NPHP1: variants seen among roughly 807,000 people sequenced by gnomAD.
NPHP1 encodes nephrocystin-1.
Under a neutral mutation model 90.4 loss-of-function variants are expected in NPHP1, and 70 were observed. The ratio of observed to expected loss-of-function variants is 0.77; its 90% CI spans 0.64 to 0.95. The LOEUF is 0.95. Ranked by LOEUF, NPHP1 falls within the 40% of genes least tolerant of loss-of-function variation. The pLI, the probability that NPHP1 is intolerant of heterozygous loss-of-function variation, is 0.00. For missense variants in NPHP1, 764 were observed against 795.9 expected (o/e 0.96, Z 0.48); for synonymous variants, 256 against 271.7 (o/e 0.94, Z 0.57).
At chr2:110,145,151 A>T (rs1482330217) in intron 14 of NPHP1, among the ~76,000 whole-genome samples, 1 of 152,202 alleles carries the variant, frequency 6.6e-6, no homozygotes, top group South Asian at 2.1e-4. Context: ...ACATGCTTCA[A>T]AACTAACACT....
chr2:110,149,977 C>T (rs1278787791), intron 12 of NPHP1, among the ~76,000 whole-genome samples: 1 of 152,062 alleles, frequency 6.6e-6, no homozygotes, highest in Non-Finnish European at 1.5e-5. Flanking sequence ...AAAAATGAAC[C>T]CTGAAACTGA....
At chr2:110,174,110 ACT>A (rs979581954) in intron 4 of NPHP1, among the ~76,000 whole-genome samples, 1 of 151,778 alleles carries the variant, frequency 6.6e-6, no homozygotes, top group Non-Finnish European at 1.5e-5. Flanking sequence ...CTTTACTTTC[ACT>A]CTCTCTATAA....
At chr2:110,204,781 G>T in intron 1 of NPHP1, 119 bp downstream of exon 1, 1 of 986,710 alleles carries the variant, frequency 1.0e-6, no homozygotes, top group Non-Finnish European at 1.6e-6. Flanking sequence ...AACCTGGGAA[G>T]GTAAGTAGGT....
chr2:110,136,873 C>T (rs896395398), intron 16 of NPHP1, among the ~76,000 whole-genome samples: 1 of 152,108 alleles, frequency 6.6e-6, no homozygotes. Context: ...CAAGTCAATC[C>T]TAAGCCAAAA....
intron 11 of NPHP1, among the ~76,000 whole-genome samples, chr2:110,159,493 A>C (rs1682147992): frequency 6.6e-6 from 1 of 151,844 alleles, no homozygotes; most frequent in Admixed American, 6.6e-5. Context: ...ATTTCTTCTT[A>C]TGCCAGTTTC....
intron 10 of NPHP1, among the ~76,000 whole-genome samples, chr2:110,160,721 C>T (rs1473423976): frequency 2.0e-5 from 3 of 152,170 alleles, no homozygotes; most frequent in African/African-American, 7.2e-5. Flanking sequence ...AGAGAGAATG[C>T]ACTATCTGAT....
chr2:110,129,844 T>TA lies in NPHP1; in HGVS notation c.1643-586_1643-585insT, dbSNP rs1679656076. On this transcript the variant is annotated intron_variant, in intron 17 of 19. Coordinates refer to ENST00000445609, the MANE Select transcript of NPHP1 (RefSeq NM_001128178.3). ...ACATTTCACAATAGATAACAGCACA[T>TA]GAAAAATCTGTGCAAAGAAGCACAT... Among the ~76,000 whole-genome samples, 4 of 152,260 alleles carry TA rather than the reference T, an allele frequency of 2.6e-5. No homozygotes were observed. The South Asian group carries it at 8.3e-4, about 32-fold the overall frequency.
chr2:110,189,311 C>T (rs1356175274), intron 2 of NPHP1, among the ~76,000 whole-genome samples: 1 of 152,048 alleles, frequency 6.6e-6, no homozygotes, highest in Non-Finnish European at 1.5e-5. Context: ...TTCCTTCTGA[C>T]GTTCGGATGT....
At chr2:110,172,030 T>C (rs1683160583) in intron 4 of NPHP1, among the ~76,000 whole-genome samples, 1 of 152,162 alleles carries the variant, frequency 6.6e-6, no homozygotes, top group Non-Finnish European at 1.5e-5. Flanking sequence ...CACCTGAGAG[T>C]TTAATCTGTG....
intron 11 of NPHP1, among the ~76,000 whole-genome samples, chr2:110,159,087 G>C (rs1248624248): frequency 1.3e-5 from 2 of 152,060 alleles, no homozygotes; most frequent in East Asian, 3.9e-4. Flanking sequence ...AATGTTAAAT[G>C]TGATTACCCA....
In NPHP1 at chr2:110,182,456, T is replaced by C. The variant is rs538386425; in HGVS notation, c.144-2772A>G. The stretch of plus-strand genomic sequence containing the variant: ...TACCTCTCAGTGGAAACCCAAACCC[T>C]ATAAGCCAGCAGAGACTGGGGACCA... On this transcript the variant is annotated intron_variant, in intron 2 of 19. Transcript: ENST00000445609. Among the ~76,000 whole-genome samples the C allele has an allele frequency of 4.6e-5, 7 of 152,018 alleles. No homozygotes were observed. In the South Asian group the frequency reaches 1.5e-3, roughly 32 times the overall value.
intron 2 of NPHP1, among the ~76,000 whole-genome samples, chr2:110,180,113 C>G (rs1683783914): frequency 2.0e-5 from 3 of 152,134 alleles, no homozygotes; most frequent in Admixed American, 6.5e-5. Flanking sequence ...CCTCACTCCA[C>G]TTAAAGAAAG....
chr2:110,139,204 T>TACACACACAC (rs35627203), intron 16 of NPHP1, among the ~76,000 whole-genome samples: 16 of 148,510 alleles, frequency 1.1e-4, no homozygotes, highest in African/African-American at 3.9e-4. Flanking sequence ...ATAGCAAATT[T>TACACACACAC]ACACACACAC....
At chr2:110,156,019 CAT>C (rs1291141258) in intron 11 of NPHP1, among the ~76,000 whole-genome samples, 2 of 151,552 alleles carry the variant, frequency 1.3e-5, no homozygotes, top group Non-Finnish European at 1.5e-5. Context: ...TCAATTCTCA[CAT>C]GTCGTGGGAG....
chr2:110,137,832 C>T (rs1331175156), intron 16 of NPHP1, among the ~76,000 whole-genome samples: 19 of 151,082 alleles, frequency 1.3e-4, no homozygotes, highest in African/African-American at 4.1e-4. Context: ...TGGGTATATA[C>T]CCAAAGGATT....
At chr2:110,178,612 A>T in intron 3 of NPHP1, 65 bp from the exon 4 acceptor site, 12 of 1,518,242 alleles carry the variant, frequency 7.9e-6, no homozygotes, top group Non-Finnish European at 1.1e-5. Flanking sequence ...TCAAAAGAAC[A>T]ACAAAAAATT....
At chr2:110,179,587 G>C in intron 3 of NPHP1, 37 bp downstream of exon 3, 1 of 952,704 alleles carries the variant, frequency 1.0e-6, no homozygotes. Context: ...TGTATAGGAA[G>C]AGATGTTTTA....
intron 11 of NPHP1, among the ~76,000 whole-genome samples, chr2:110,159,336 G>A (rs1682136511): frequency 6.6e-6 from 1 of 151,950 alleles, no homozygotes; most frequent in Non-Finnish European, 1.5e-5. Context: ...TTCCTTGGAA[G>A]AATTTGTATA....
chr2:110,150,089 T>C, intron 12 of NPHP1, 93 bp downstream of exon 12: 2 of 1,003,928 alleles, frequency 2.0e-6, no homozygotes, highest in Admixed American at 3.4e-5. Flanking sequence ...TAAAGATTTA[T>C]ATCTGTTCCC....
Sources: gnomAD v4.1 joint callset for allele counts (sites outside exome capture counted in the v4.1 genomes callset) on GRCh38, gnomAD v4.1.1 for gene constraint, MANE v1.5 for transcripts, NCBI Gene and HGNC (gene_info 2026-07-23, HGNC 2026-07-21) for gene names.